Variants in CEP72 observed in about 807,000 individuals in gnomAD.
CEP72 encodes centrosomal protein of 72 kDa.
Under a neutral mutation model 65.7 loss-of-function variants are expected in CEP72, and 78 were observed. That is an observed-to-expected ratio of 1.19 (90% CI 0.99 to 1.43). CEP72 has a LOEUF of 1.43. Ranked by LOEUF, CEP72 falls within the 40% of genes most tolerant of loss-of-function variation. The probability of loss-of-function intolerance (pLI) is 0.00; values close to 1 mark genes in which losing one functional copy is unlikely to be tolerated. For synonymous variants in CEP72, 358 were observed against 351.7 expected, an observed-to-expected ratio of 1.02 and a Z score of -0.20; for missense variants, 914 against 832.9, an observed-to-expected ratio of 1.10 and a Z score of -1.20.
At position 612,377 on chromosome 5, in the gene CEP72, C is replaced by T. The variant is rs774263225; in HGVS notation, c.16C>T (p.Pro6Ser). 1.1e-5 allele frequency: 16 copies of T among 1,491,376 alleles called. No individual in the cohort carries two copies. In the East Asian group the frequency reaches 2.0e-4, roughly 19 times the overall value. The allele number at this position is 1,491,376 out of a possible 1,614,324, so 92.4% of individuals were successfully genotyped here. MARAG[P>S]RLVLSEEAVR... Reference sequence around the variant, plus strand: ...CGTTTGAAACATGGCGCGGGCTGGCCCTCGGCTGGTGCTGAGCGAGGAGGC... The same window carrying T: ...CGTTTGAAACATGGCGCGGGCTGGCTCTCGGCTGGTGCTGAGCGAGGAGGC... The change falls in exon 1 of 12, where the codon CCT (proline) becomes TCT (serine). Residue 6 changes from proline to serine, a missense_variant. Coordinates refer to ENST00000264935, the MANE Select transcript of CEP72 (RefSeq NM_018140.4).
chr5:654,910 C>T (rs550442435), downstream of CEP72, among the ~76,000 whole-genome samples: 1 of 152,206 alleles, frequency 6.6e-6, no homozygotes, highest in Non-Finnish European at 1.5e-5. Flanking sequence ...GGTCACTAAA[C>T]GTGATGCTTT....
chr5:657,274 T>C (rs948814341), downstream of CEP72, among the ~76,000 whole-genome samples: 1 of 152,212 alleles, frequency 6.6e-6, no homozygotes, highest in African/African-American at 2.4e-5. Flanking sequence ...TGAGTTAGTA[T>C]GAATAAGACT....
chr5:631,574 T>C (rs1697987), intron 4 of CEP72, among the ~76,000 whole-genome samples: 482 of 9,292 alleles, frequency 0.052, 18 homozygotes, highest in Middle Eastern at 0.12. Context: ...TTGGACCAGT[T>C]CTGGTGGGGT....
downstream of CEP72, among the ~76,000 whole-genome samples, chr5:669,043 G>A (rs1359897327): frequency 1.3e-5 from 2 of 152,230 alleles, no homozygotes; most frequent in Non-Finnish European, 2.9e-5. Context: ...CTGAGCCAAA[G>A]AAGAAATCGC....
intron 3 of CEP72, chr5:665,795 ACCT>A (rs1739876506): frequency 3.0e-6 from 2 of 677,324 alleles, no homozygotes; most frequent in Non-Finnish European, 2.3e-6. Flanking sequence ...TTCTGACCAC[ACCT>A]CCTCAGACCC....
intron 1 of CEP72, 72 bp from the exon 2 acceptor site, chr5:618,918 C>A: frequency 7.9e-7 from 1 of 1,265,584 alleles, no homozygotes; most frequent in Non-Finnish European, 1.1e-6. Context: ...ATATCCAACA[C>A]CAAGAACTTG....
chr5:637,086 G>A (rs1737657229), intron 6 of CEP72, among the ~76,000 whole-genome samples: 1 of 152,210 alleles, frequency 6.6e-6, no homozygotes, highest in Non-Finnish European at 1.5e-5. Flanking sequence ...GGTCGGTACA[G>A]TGCACGGGAC....
At chr5:646,672 C>G (rs1001309278) in intron 10 of CEP72, among the ~76,000 whole-genome samples, 5 of 152,238 alleles carry the variant, frequency 3.3e-5, no homozygotes, top group African/African-American at 1.2e-4. Context: ...TCAGCTTTTG[C>G]AGACTGCATG....
Position 620,080 on chromosome 5 carries a change from C to T in CEP72, c.222C>T (p.Tyr74=), listed in dbSNP as rs753667879. 1.7e-5 allele frequency: 27 copies of T among 1,604,664 alleles called. No homozygotes were observed. Among genetic ancestry groups the T allele is most frequent in the Non-Finnish European group, 2.1e-5 (25 of 1,171,828 alleles). Residue 74 remains tyrosine (Y), a synonymous_variant, in exon 3 of 12, where the codon TAC becomes TAT. Transcript: ENST00000264935. ...NSLVSLEGIQ[Y]LTALESLNLY... Reference sequence around the variant, plus strand: ...TTTTCTGTTGACAGGGCATTCAGTACCTGACTGCATTGGAGAGTCTCAATC... The same window carrying T: ...TTTTCTGTTGACAGGGCATTCAGTATCTGACTGCATTGGAGAGTCTCAATC...
the CEP72 span, among the ~76,000 whole-genome samples, chr5:675,021 CGGGGGAGCAGTG>C: frequency 2.9e-5 from 2 of 68,634 alleles, no homozygotes; most frequent in African/African-American, 6.1e-5. Flanking sequence ...ACAGTGTGGC[CGGGGGAGCAGTG>C]AGGGGGGTAC....
intron 11 of CEP72, among the ~76,000 whole-genome samples, chr5:648,909 GGTGACTGTGAGGT>G (rs752109650): frequency 0.14 from 9,436 of 68,582 alleles, 424 homozygotes; most frequent in South Asian, 0.18. Flanking sequence ...GACTGTGAGG[GGTGACTGTGAGGT>G]GTGACTGTGA....
Position 635,411 on chromosome 5 carries a change from A to G in CEP72, c.731A>G (p.Gln244Arg). Residue 244 changes from glutamine to arginine, a missense_variant, in exon 6 of 12, where the codon CAG becomes CGG. Gln to Arg is a conservative substitution (Grantham distance 43). Transcript: ENST00000264935. ...HLLSPQLVQYQCGDSGKQGRE... is the reference protein window; with the variant it reads ...HLLSPQLVQYRCGDSGKQGRE... ...TTGAGCCCGCAGTTGGTACAGTACC[A>G]GTGTGGGGACTCTGGGAAGCAGGGC... The G allele has an allele frequency of 6.2e-7, 1 of 1,614,042 alleles. No individual in the cohort carries two copies. The highest frequency in any genetic ancestry group is 8.5e-7 in the Non-Finnish European group (1 of 1,179,862).
chr5:674,828 A>G, the CEP72 span, among the ~76,000 whole-genome samples: 1 of 151,628 alleles, frequency 6.6e-6, no homozygotes, highest in Non-Finnish European at 1.5e-5. Context: ...GGCTGACATA[A>G]GCCCTGTGGA....
intron 9 of CEP72, among the ~76,000 whole-genome samples, chr5:643,869 A>G (rs1310565902): frequency 6.6e-6 from 1 of 152,200 alleles, no homozygotes; most frequent in Non-Finnish European, 1.5e-5. Flanking sequence ...GCCAGAACAG[A>G]AGGGGGTTCC....
chr5:620,914 TGCTGTG>T lies in CEP72; in HGVS notation c.403+654_403+659del, dbSNP rs1736347910. The stretch of plus-strand genomic sequence containing the variant: ...CCGGAGGCATTGTTGCTGTTGCTGT[TGCTGTG>T]AGCACCTGGTGGTGTCTCTGCTGAC... On this transcript the variant is annotated intron_variant, in intron 3 of 11. Transcript: ENST00000264935. 2.0e-5 allele frequency among the ~76,000 whole-genome samples: 3 copies of T among 152,326 alleles called. No homozygotes were observed. The South Asian group carries it at 6.2e-4, about 32-fold the overall frequency.
At chr5:619,146 T>A (rs763936886) in intron 2 of CEP72, 29 bp downstream of exon 2, 9 of 1,601,316 alleles carry the variant, frequency 5.6e-6, no homozygotes, top group Non-Finnish European at 6.0e-6. Flanking sequence ...TCTTAAAATT[T>A]ATTGCTATCA....
At chr5:638,956 C>T in intron 7 of CEP72, 133 bp from the exon 8 acceptor site, 1 of 1,171,244 alleles carries the variant, frequency 8.5e-7, no homozygotes, top group Non-Finnish European at 1.2e-6. Context: ...CCACCTGGCT[C>T]AGGGCTGGGG....
At chr5:651,589 A>G (rs1259066850) in intron 11 of CEP72, among the ~76,000 whole-genome samples, 1 of 151,598 alleles carries the variant, frequency 6.6e-6, no homozygotes, top group Non-Finnish European at 1.5e-5. Flanking sequence ...CTATAGGGGG[A>G]TGGTGAGAAG....
chr5:620,038 T>C, intron 2 of CEP72, 31 bp from the exon 3 acceptor site: 1 of 1,571,024 alleles, frequency 6.4e-7, no homozygotes, highest in Non-Finnish European at 8.7e-7. Flanking sequence ...GTTTAAAGTG[T>C]GAATGAATTC....
Sources: gnomAD v4.1 joint callset for allele counts (sites outside exome capture counted in the v4.1 genomes callset) on GRCh38, gnomAD v4.1.1 for gene constraint, MANE v1.5 for transcripts, NCBI Gene and HGNC (gene_info 2026-07-23, HGNC 2026-07-21) for gene names.